Variants in CSMD1 observed in about 807,000 individuals in gnomAD.
The protein encoded by CSMD1 is CUB and Sushi multiple domains 1, also known as CUB and sushi domain-containing protein 1.
CSMD1 carries 213 observed loss-of-function variants against 417.5 expected under a neutral mutation model. The observed-to-expected ratio is 0.51, with a 90% CI of 0.46 to 0.57. The LOEUF is 0.57. Ranked by LOEUF, CSMD1 falls within the 20% of genes least tolerant of loss-of-function variation. The probability of loss-of-function intolerance (pLI) is 0.00; values close to 1 mark genes in which losing one functional copy is unlikely to be tolerated. For synonymous variants in CSMD1, 2,862 were observed against 1,736.8 expected (o/e 1.65, Z -16.11); for missense variants, 6,923 against 4,529.7 (o/e 1.53, Z -15.17).
At chr8:4,306,404 CAA>C (rs1326706648) in intron 3 of CSMD1, among the ~76,000 whole-genome samples, 3 of 9,420 alleles carry the variant, frequency 3.2e-4, no homozygotes, top group African/African-American at 1.0e-3. Context: ...ACCTACAGAA[CAA>C]AAAAATACAG....
At chr8:4,419,771 G>C (rs532683576) in intron 3 of CSMD1, among the ~76,000 whole-genome samples, 182 bp downstream of exon 3, 1 of 152,292 alleles carries the variant, frequency 6.6e-6, no homozygotes, top group Non-Finnish European at 1.5e-5. Flanking sequence ...CACGTTTTGG[G>C]CTGGAAAGTT....
chr8:4,494,694 G>T (rs1182526882), intron 2 of CSMD1, among the ~76,000 whole-genome samples: 1 of 152,028 alleles, frequency 6.6e-6, no homozygotes, highest in Non-Finnish European at 1.5e-5. Context: ...AAAAAAAGAA[G>T]CCTTTGAATT....
intron 2 of CSMD1, among the ~76,000 whole-genome samples, chr8:4,611,593 G>A (rs1173252166): frequency 6.6e-6 from 1 of 152,100 alleles, no homozygotes; most frequent in Non-Finnish European, 1.5e-5. Context: ...CACCTCACCA[G>A]AAGATGAAAC....
chr8:4,713,990 C>CA (rs35696518), intron 1 of CSMD1, among the ~76,000 whole-genome samples: 4 of 151,940 alleles, frequency 2.6e-5, no homozygotes, highest in Non-Finnish European at 4.4e-5. Context: ...ACTAAAACTA[C>CA]AAAAATTAGC....
chr8:4,612,043 G>C (rs1289541951), intron 2 of CSMD1, among the ~76,000 whole-genome samples: 13 of 152,256 alleles, frequency 8.5e-5, no homozygotes, highest in South Asian at 2.1e-4. Context: ...AGAAAGCCAT[G>C]GTTCCCGGCG....
intron 7 of CSMD1, among the ~76,000 whole-genome samples, chr8:3,657,271 G>A (rs978783058): frequency 3.9e-5 from 6 of 152,064 alleles, no homozygotes; most frequent in African/African-American, 1.4e-4. Context: ...TGCCAACAGT[G>A]AACAATCTGA....
chr8:3,878,318 A>G (rs990164887), intron 5 of CSMD1, among the ~76,000 whole-genome samples: 1 of 152,268 alleles, frequency 6.6e-6, no homozygotes, highest in African/African-American at 2.4e-5. Flanking sequence ...AATATTCTCT[A>G]CACTATTCTT....
intron 33 of CSMD1, among the ~76,000 whole-genome samples, chr8:3,195,494 G>A (rs972719874): frequency 1.3e-5 from 2 of 152,228 alleles, no homozygotes; most frequent in African/African-American, 2.4e-5. Flanking sequence ...CTGTGCTGGA[G>A]TTACTAAGAA....
At chr8:4,365,843 G>A (rs879401071) in intron 3 of CSMD1, among the ~76,000 whole-genome samples, 3 of 152,066 alleles carry the variant, frequency 2.0e-5, no homozygotes, top group African/African-American at 4.8e-5. Flanking sequence ...ATTCCACCAA[G>A]GAAACATCAC....
intron 3 of CSMD1, among the ~76,000 whole-genome samples, chr8:4,390,898 C>G (rs555610301): frequency 6.6e-6 from 1 of 152,084 alleles, no homozygotes; most frequent in East Asian, 1.9e-4. Context: ...CTTAGTCCCC[C>G]AAAATGTAGA....
intron 8 of CSMD1, among the ~76,000 whole-genome samples, chr8:3,590,112 TGTA>T (rs982585726): frequency 8.5e-5 from 13 of 152,054 alleles, no homozygotes; most frequent in African/African-American, 2.9e-4. Context: ...AAAAATGACA[TGTA>T]GTAATATAGA....
At chr8:4,567,112 AAAAT>A (rs1289013394) in intron 2 of CSMD1, among the ~76,000 whole-genome samples, 2 of 152,224 alleles carry the variant, frequency 1.3e-5, no homozygotes, top group African/African-American at 4.8e-5. Context: ...TATGGCTTTG[AAAAT>A]AAATCACAGC....
intron 5 of CSMD1, among the ~76,000 whole-genome samples, chr8:3,983,379 C>T (rs529078856): frequency 2.2e-4 from 33 of 152,110 alleles, no homozygotes; most frequent in Non-Finnish European, 4.3e-4. Context: ...ATCCCTCTTT[C>T]TTGCCCTCCC....
At chr8:4,880,510 C>G (rs1294955396) in intron 1 of CSMD1, among the ~76,000 whole-genome samples, 1 of 152,022 alleles carries the variant, frequency 6.6e-6, no homozygotes, top group South Asian at 2.1e-4. Flanking sequence ...CATACAGAAC[C>G]ACTCCCTTTA....
At chr8:3,770,690 G>A (rs1798518698) in intron 5 of CSMD1, among the ~76,000 whole-genome samples, 3 of 152,076 alleles carry the variant, frequency 2.0e-5, no homozygotes, top group Admixed American at 1.3e-4. Context: ...AACACCTTGT[G>A]ATCTAATTTC....
At chr8:3,932,401 C>A (rs772235589) in intron 5 of CSMD1, among the ~76,000 whole-genome samples, 3 of 150,366 alleles carry the variant, frequency 2.0e-5, no homozygotes, top group Non-Finnish European at 3.0e-5. Context: ...GCAACATATG[C>A]CATCTGCATT....
chr8:3,955,592 C>T (rs1042591873), intron 5 of CSMD1, among the ~76,000 whole-genome samples: 1 of 152,078 alleles, frequency 6.6e-6, no homozygotes, highest in South Asian at 2.1e-4. Flanking sequence ...GTGCTACCTG[C>T]CCTGCTCCAT....
rs371300012 is a variant in CSMD1, at chr8:3,230,149, G to T, written c.4236C>A (p.Thr1412=). ...AGCCAGGGTCACACTGGAATGTGACGGTGTCTCCAGCCTCTCTGCTGTCTC... is the reference window on the plus strand; with the variant it reads ...AGCCAGGGTCACACTGGAATGTGACTGTGTCTCCAGCCTCTCTGCTGTCTC... ...RYGDSREAGD[T]VTFQCDPGYQ... is the part of the protein sequence containing the mutation. Residue 1412 remains threonine, a synonymous_variant, in exon 27 of 70, where the codon ACC becomes ACA. Coordinates refer to ENST00000635120, the MANE Select transcript of CSMD1 (RefSeq NM_033225.6). The T allele has an allele frequency of 8.7e-6, 14 of 1,613,368 alleles. No homozygotes were observed. In the East Asian group the frequency reaches 2.7e-4, roughly 31 times the overall value.
chr8:4,225,947 G>C (rs568238268), intron 3 of CSMD1, among the ~76,000 whole-genome samples: 1 of 152,074 alleles, frequency 6.6e-6, no homozygotes, highest in East Asian at 1.9e-4. Flanking sequence ...TTATTTGAAT[G>C]TGAATTTCAT....
Sources: gnomAD v4.1 joint callset for allele counts (sites outside exome capture counted in the v4.1 genomes callset) on GRCh38, gnomAD v4.1.1 for gene constraint, MANE v1.5 for transcripts, NCBI Gene and HGNC (gene_info 2026-07-23, HGNC 2026-07-21) for gene names.